AGAP1: variants seen among roughly 807,000 people sequenced by gnomAD.
AGAP1 encodes ArfGAP with GTPase domain, ankyrin repeat and PH domain 1.
Under a neutral mutation model 105.3 loss-of-function variants are expected in AGAP1, and 29 were observed. The ratio of observed to expected loss-of-function variants is 0.28; its 90% CI spans 0.21 to 0.38. The LOEUF (loss-of-function observed/expected upper bound fraction) is 0.38, where lower values mean the gene tolerates loss of function less well. Among genes scored for constraint, AGAP1 ranks in the 10% least tolerant of loss-of-function variants. The pLI is 1.00. For synonymous variants in AGAP1, 509 were observed against 485.9 expected (o/e 1.05, Z -0.63); for missense variants, 998 against 1,165.1 (o/e 0.86, Z 2.09).
chr2:235,686,396 C>A (rs1949381318), intron 1 of AGAP1, among the ~76,000 whole-genome samples: 1 of 151,662 alleles, frequency 6.6e-6, no homozygotes, highest in Non-Finnish European at 1.5e-5. Flanking sequence ...TATTGGAATT[C>A]TTTGTCTCCC....
intron 1 of AGAP1, chr2:235,670,310 G>A: frequency 2.2e-6 from 1 of 464,336 alleles, no homozygotes; most frequent in East Asian, 3.7e-5. Context: ...GAGGCTTGAG[G>A]AGGAGGCCGA....
intron 9 of AGAP1, among the ~76,000 whole-genome samples, chr2:235,829,838 A>G (rs1330375585): frequency 6.6e-6 from 1 of 152,120 alleles, no homozygotes; most frequent in African/African-American, 2.4e-5. Context: ...TTTGCCGTGC[A>G]GGGGGTGGTC....
intron 1 of AGAP1, among the ~76,000 whole-genome samples, chr2:235,572,967 T>C (rs899666507): frequency 2.0e-5 from 3 of 149,444 alleles, no homozygotes; most frequent in African/African-American, 7.5e-5. Context: ...CCCCGATTGC[T>C]CCATCTTTTT....
Position 235,716,546 on chromosome 2 carries a change from AC to A in AGAP1, c.223-1009del, listed in dbSNP as rs939691834. Among the ~76,000 whole-genome samples, 11 of 152,138 alleles carry A rather than the reference AC, an allele frequency of 7.2e-5. No individual in the cohort carries two copies. Among genetic ancestry groups the A allele is most frequent in the Non-Finnish European group, 1.6e-4 (11 of 68,040 alleles). On this transcript the variant is annotated intron_variant, in intron 2 of 17. Coordinates refer to ENST00000304032, the MANE Select transcript of AGAP1 (RefSeq NM_001037131.3). The surrounding 1 kb of genome is among the most constrained non-coding windows in gnomAD (Gnocchi z 4.0). ...GGAATGGCAGGTGGCCTTAATGAGC[AC>A]CTGTGCCTGGGGATGGGTGCCTTGT...
intron 2 of AGAP1, among the ~76,000 whole-genome samples, chr2:235,709,982 T>C (rs1950765280): frequency 6.6e-6 from 1 of 152,188 alleles, no homozygotes; most frequent in African/African-American, 2.4e-5. Context: ...TCCGTGTGTA[T>C]GTTTATATTT....
At chr2:235,840,736 G>A (rs1960729104) in intron 9 of AGAP1, among the ~76,000 whole-genome samples, 1 of 151,424 alleles carries the variant, frequency 6.6e-6, no homozygotes, top group Non-Finnish European at 1.5e-5. Flanking sequence ...TGGACAGGTT[G>A]ATTCGATGTG....
intron 1 of AGAP1, among the ~76,000 whole-genome samples, chr2:235,515,181 A>G (rs1477108452): frequency 6.6e-6 from 1 of 152,168 alleles, no homozygotes; most frequent in Non-Finnish European, 1.5e-5. Context: ...AAACATGAGA[A>G]TCCCATTCTG....
At chr2:235,810,279 C>T (rs73998930) in intron 9 of AGAP1, among the ~76,000 whole-genome samples, 3,927 of 152,300 alleles carry the variant, frequency 0.026, 177 homozygotes, top group African/African-American at 0.09. Context: ...GTGTTTGCCG[C>T]AAACATGTTC....
chr2:235,667,721 G>A (rs185672836), intron 1 of AGAP1, among the ~76,000 whole-genome samples: 83 of 152,274 alleles, frequency 5.5e-4, no homozygotes, highest in African/African-American at 2.0e-3. Context: ...AGCACTCTGG[G>A]AGGCTGAGGT....
At chr2:235,598,491 G>A (rs528108880) in intron 1 of AGAP1, among the ~76,000 whole-genome samples, 15 of 152,310 alleles carry the variant, frequency 9.8e-5, no homozygotes, top group Non-Finnish European at 1.2e-4. Context: ...AAACTTGGTT[G>A]CATTGTATGT....
intron 1 of AGAP1, among the ~76,000 whole-genome samples, chr2:235,654,331 A>C (rs1427281359): frequency 6.6e-6 from 1 of 152,180 alleles, no homozygotes; most frequent in Admixed American, 6.5e-5. Context: ...CTCTGTGCTC[A>C]ATAATGTCTT....
chr2:236,024,669 C>T (rs892175633), intron 13 of AGAP1, among the ~76,000 whole-genome samples: 2 of 152,142 alleles, frequency 1.3e-5, no homozygotes, highest in African/African-American at 2.4e-5. Context: ...TTTGACAGCC[C>T]GGATTCATGT....
intron 10 of AGAP1, among the ~76,000 whole-genome samples, chr2:235,894,602 TACAC>T (rs1053773233): frequency 1.6e-4 from 24 of 147,944 alleles, no homozygotes; most frequent in African/African-American, 5.9e-4. Flanking sequence ...CACACACACA[TACAC>T]ACACACTTAA....
intron 6 of AGAP1, chr2:235,775,909 T>C (rs1377776128): frequency 6.6e-6 from 1 of 152,210 alleles, no homozygotes; most frequent in Non-Finnish European, 1.5e-5. Flanking sequence ...AGATGGCCTG[T>C]TGATTCCTTT....
At chr2:235,935,257 C>T (rs571158881) in intron 12 of AGAP1, among the ~76,000 whole-genome samples, 1 of 152,164 alleles carries the variant, frequency 6.6e-6, no homozygotes, top group Non-Finnish European at 1.5e-5. Context: ...TTTCAAATTG[C>T]CGTCTGCCGG....
chr2:235,506,389 A>G (rs561365711), intron 1 of AGAP1, among the ~76,000 whole-genome samples: 1 of 152,202 alleles, frequency 6.6e-6, no homozygotes, highest in African/African-American at 2.4e-5. Flanking sequence ...CACAGTGGCA[A>G]GTGCCTTTAG....
At chr2:235,923,038 C>T (rs1197579140) in intron 11 of AGAP1, among the ~76,000 whole-genome samples, 1 of 152,216 alleles carries the variant, frequency 6.6e-6, no homozygotes. Flanking sequence ...CATGGATTAG[C>T]ATGGTAATGC....
chr2:235,917,570 G>A (rs2051955229), intron 11 of AGAP1, among the ~76,000 whole-genome samples: 1 of 152,100 alleles, frequency 6.6e-6, no homozygotes, highest in Non-Finnish European at 1.5e-5. Flanking sequence ...CGCCGTGACA[G>A]GGACCGGGGT....
intron 1 of AGAP1, among the ~76,000 whole-genome samples, chr2:235,704,124 G>T (rs1226720544): frequency 1.3e-5 from 2 of 152,208 alleles, no homozygotes; most frequent in Admixed American, 1.3e-4. Context: ...GGGATGGGCA[G>T]GGCCAGGTGG....
Sources: allele counts gnomAD v4.1 joint callset (sites outside exome capture counted in the v4.1 genomes callset), GRCh38; gene constraint gnomAD v4.1.1; non-coding constraint Gnocchi (gnomAD v3.1); transcripts MANE v1.5; gene names NCBI Gene and HGNC (gene_info 2026-07-23, HGNC 2026-07-21).